The following SYNE2 variants were observed in gnomAD, a reference collection of about 807,000 sequenced individuals.
The protein encoded by SYNE2 is spectrin repeat containing nuclear envelope protein 2, also known as nesprin-2.
In SYNE2, 431 loss-of-function variants were observed where a neutral mutation model predicts 856.3. The observed-to-expected ratio is 0.50, with a 90% CI of 0.47 to 0.55. SYNE2 has a LOEUF of 0.55. Ranked by LOEUF, SYNE2 falls within the 20% of genes least tolerant of loss-of-function variation. The pLI is 0.00. For missense variants in SYNE2, 8,129 were observed against 8,023.2 expected (o/e 1.01, Z -0.50); for synonymous variants, 2,923 against 2,872.3 (o/e 1.02, Z -0.56).
intron 50 of SYNE2, among the ~76,000 whole-genome samples, chr14:64,065,227 C>T (rs1171037043): frequency 6.6e-6 from 1 of 152,110 alleles, no homozygotes; most frequent in Non-Finnish European, 1.5e-5. Context: ...TTATTTGTCC[C>T]TGTAATCCCA....
Position 64,107,486 on chromosome 14 carries a change from TA to T in SYNE2, c.12493-4del. 6.2e-7 allele frequency: 1 copy of T among 1,612,854 alleles called. No individual in the cohort carries two copies. On this transcript the variant is annotated splice_polypyrimidine_tract_variant and splice_region_variant and intron_variant, in intron 64 of 115. Transcript: ENST00000555002. The stretch of plus-strand genomic sequence containing the variant: ...TTTCTGGAGCTCTGATTCTTTTCTT[TA>T]CAGGAAGCATATGGGAAAATAAGCA...
At chr14:63,905,347 A>G (rs148257710) in intron 1 of SYNE2, among the ~76,000 whole-genome samples, 1 of 152,154 alleles carries the variant, frequency 6.6e-6, no homozygotes, top group Non-Finnish European at 1.5e-5. Flanking sequence ...TCTGTGAAGA[A>G]TGTTCATAGT....
chr14:64,034,392 C>T, intron 45 of SYNE2: 1 of 413,416 alleles, frequency 2.4e-6, no homozygotes, highest in Non-Finnish European at 4.3e-6. Context: ...TTTTTGGAAT[C>T]CAGAGAGGCT....
intron 1 of SYNE2, among the ~76,000 whole-genome samples, chr14:63,881,165 G>A (rs75115057): frequency 0.066 from 9,887 of 150,656 alleles, 329 homozygotes; most frequent in Admixed American, 0.1. Context: ...TTTTTGTAGA[G>A]ACAGGTTTTC....
rs373421211 is a variant in SYNE2 at position 64,162,351 on chromosome 14, G to T, written c.16299+75G>T. 9.6e-5 allele frequency: 139 copies of T among 1,455,320 alleles called. 1 individual carries two copies. In the South Asian group the frequency reaches 1.5e-3, roughly 15 times the overall value. 90.2% of individuals were successfully genotyped at this position (1,455,320 alleles called of 1,614,324 possible). A position where few individuals can be genotyped will look rare whatever the true frequency, so the allele number is the denominator to read the frequency against. Reference sequence around the variant, plus strand: ...TGGGGTAAGGGACAGCCATGACCTGGGGACCAGACAGACCACAGGGACAGA... The same window carrying T: ...TGGGGTAAGGGACAGCCATGACCTGTGGACCAGACAGACCACAGGGACAGA... On this transcript the variant is annotated intron_variant, in intron 88 of 115. Transcript: ENST00000555002.
chr14:64,034,662 A>G (rs1488758976), intron 45 of SYNE2: 8 of 452,034 alleles, frequency 1.8e-5, no homozygotes, highest in Non-Finnish European at 3.2e-5. Context: ...CAGACCTAGA[A>G]ACAAAAGAAG....
chr14:63,907,200 T>C (rs1037938576), intron 1 of SYNE2, among the ~76,000 whole-genome samples: 1 of 152,228 alleles, frequency 6.6e-6, no homozygotes, highest in South Asian at 2.1e-4. Context: ...ATTCTGTTCA[T>C]TTATCATTCT....
chr14:64,154,725 G>C (rs1188575418), intron 85 of SYNE2, among the ~76,000 whole-genome samples: 2 of 150,592 alleles, frequency 1.3e-5, no homozygotes, highest in African/African-American at 2.4e-5. Flanking sequence ...CCTGGGAGGT[G>C]GAAGGAGCAG....
At chr14:63,943,011 A>G (rs1039138457) in intron 6 of SYNE2, among the ~76,000 whole-genome samples, 8 of 152,206 alleles carry the variant, frequency 5.3e-5, no homozygotes, top group Admixed American at 2.0e-4. Flanking sequence ...ACCAGTCTGA[A>G]CAGAACCTGC....
chr14:64,100,746 A>G (rs1041605084), intron 63 of SYNE2, among the ~76,000 whole-genome samples: 1 of 151,156 alleles, frequency 6.6e-6, no homozygotes, highest in Non-Finnish European at 1.5e-5. Flanking sequence ...TCACCATGAT[A>G]TACAAAAGAT....
At chr14:63,948,782 G>GTGTGTGTCTATATATA (rs1454688156) in intron 6 of SYNE2, among the ~76,000 whole-genome samples, 1 of 43,906 alleles carries the variant, frequency 2.3e-5, no homozygotes, top group African/African-American at 8.1e-5. Context: ...ATGTGTGTGT[G>GTGTGTGTCTATATATA]TATATATATA....
chr14:64,139,566 C>G (rs889293180), intron 79 of SYNE2, among the ~76,000 whole-genome samples: 11 of 152,048 alleles, frequency 7.2e-5, no homozygotes, highest in Non-Finnish European at 1.2e-4. Context: ...CGCCTGCCAC[C>G]ATGCCTGGGT....
rs1377976147 is a variant in SYNE2, at chr14:64,052,528, A to G, written c.8615A>G (p.His2872Arg). 1.2e-6 allele frequency: 2 copies of G among 1,614,150 alleles called. No homozygotes were observed. Among genetic ancestry groups the G allele is most frequent in the Non-Finnish European group, 1.7e-6 (2 of 1,180,040 alleles). ...ETAATEAELK[H>R]HHVTLEASQK... ...GCTGCCACGGAAGCTGAACTAAAAC[A>G]TCACCATGTTACTTTGGAGGCATCT... Residue 2872 changes from histidine to arginine, a missense_variant, in exon 48 of 116, where the codon CAT becomes CGT. Transcript: ENST00000555002.
chr14:63,948,784 A>ATATATATGTATGTGTGTG (rs2096091729), intron 6 of SYNE2, among the ~76,000 whole-genome samples: 1 of 17,108 alleles, frequency 5.8e-5, no homozygotes, highest in Non-Finnish European at 1.1e-4. Context: ...GTGTGTGTGT[A>ATATATATGTATGTGTGTG]TATATATATA....
chr14:63,922,802 A>T (rs1407529092), intron 2 of SYNE2, among the ~76,000 whole-genome samples: 1 of 152,218 alleles, frequency 6.6e-6, no homozygotes, highest in African/African-American at 2.4e-5. Flanking sequence ...AGATATGTGA[A>T]GCCCTGAATC....
rs1463119063 is a variant in SYNE2 at position 64,174,934 on chromosome 14, T to C, written c.17236-10T>C. The C allele has an allele frequency of 2.5e-6, 4 of 1,613,346 alleles. No individual in the cohort carries two copies. The highest frequency in any genetic ancestry group is 3.4e-6 in the Non-Finnish European group (4 of 1,179,382). Reference sequence around the variant, plus strand: ...AAACCTAAGCAAATTACTTCTCTTTTTTTTCTTAGAATAAAGAAATTCATT... The same window carrying C: ...AAACCTAAGCAAATTACTTCTCTTTCTTTTCTTAGAATAAAGAAATTCATT... On this transcript the variant is annotated splice_polypyrimidine_tract_variant and intron_variant, in intron 94 of 115. Coordinates refer to ENST00000555002, the MANE Select transcript of SYNE2 (RefSeq NM_182914.3).
intron 1 of SYNE2, among the ~76,000 whole-genome samples, chr14:63,883,471 A>C (rs1046053859): frequency 6.6e-6 from 1 of 151,946 alleles, no homozygotes; most frequent in Non-Finnish European, 1.5e-5. Flanking sequence ...ATCCTACCTC[A>C]GCCTCCCAGG....
chr14:64,119,715 A>T, intron 67 of SYNE2, 106 bp downstream of exon 67: 1 of 1,163,142 alleles, frequency 8.6e-7, no homozygotes, highest in Non-Finnish European at 1.2e-6. Flanking sequence ...GAGAAACTGT[A>T]CTAAGTGTGA....
At chr14:63,762,142 G>A (rs1428925271) in intron 1 of SYNE2, 9 of 383,322 alleles carry the variant, frequency 2.3e-5, no homozygotes, top group South Asian at 1.7e-4. Context: ...TAGAAAGCAA[G>A]TTAAAGTGGC....
Sources: allele counts gnomAD v4.1 joint callset (sites outside exome capture counted in the v4.1 genomes callset), GRCh38; gene constraint gnomAD v4.1.1; transcripts MANE v1.5; gene names NCBI Gene and HGNC (gene_info 2026-07-23, HGNC 2026-07-21).